PLA2G4C: variants seen among roughly 807,000 people sequenced by gnomAD.
PLA2G4C encodes the protein phospholipase A2 group IVC.
A neutral mutation model predicts 73.8 loss-of-function variants in PLA2G4C; 64 were observed. That is an observed-to-expected ratio of 0.87 (90% confidence interval 0.71 to 1.07). The LOEUF is 1.07. PLA2G4C is among the 50% of genes least tolerant of loss of function. The pLI, the probability that PLA2G4C is intolerant of heterozygous loss-of-function variation, is 0.00. For missense variants in PLA2G4C, 622 were observed against 665.4 expected, an observed-to-expected ratio of 0.93 and a Z score of 0.72; for synonymous variants, 254 against 252.1, an observed-to-expected ratio of 1.01 and a Z score of -0.07.
chr19:48,093,720 T>C (rs1050292791), intron 7 of PLA2G4C, among the ~76,000 whole-genome samples: 1 of 152,074 alleles, frequency 6.6e-6, no homozygotes, highest in Non-Finnish European at 1.5e-5. Flanking sequence ...TAGGGTCTGA[T>C]ATGGTTAAGC....
At chr19:48,106,781 T>C in intron 1 of PLA2G4C, 1 of 561,012 alleles carries the variant, frequency 1.8e-6, no homozygotes, top group Non-Finnish European at 3.2e-6. Context: ...CGCGTCTCTC[T>C]GAAAATTTGG....
At chr19:48,095,378 T>C in intron 7 of PLA2G4C, 86 bp downstream of exon 7, 1 of 1,281,198 alleles carries the variant, frequency 7.8e-7, no homozygotes, top group Non-Finnish European at 1.1e-6. Context: ...ATTTAAGAGC[T>C]GGGCAAACTA....
chr19:48,074,055 C>T lies in PLA2G4C; in HGVS notation c.1006+712G>A, dbSNP rs185573653. The stretch of plus-strand genomic sequence containing the variant: ...TTACACAGGTAAACATGTGCCATGG[C>T]GGTTTGCTGCACCTATCAACCCATC... On this transcript the variant is annotated intron_variant, in intron 12 of 16. Coordinates refer to ENST00000599921, the MANE Select transcript of PLA2G4C (RefSeq NM_003706.3). Among the ~76,000 whole-genome samples the T allele has an allele frequency of 1.4e-3, 208 of 152,084 alleles. 1 individual carries two copies. Among genetic ancestry groups the T allele is most frequent in the African/African-American group, 4.9e-3 (203 of 41,444 alleles).
chr19:48,110,463 G>T, intron 1 of PLA2G4C, 24 bp downstream of exon 1: 1 of 1,405,006 alleles, frequency 7.1e-7, no homozygotes. Flanking sequence ...GGATGAAACA[G>T]CCCTCCCTGC....
At chr19:48,084,324 T>C (rs906691434) in intron 10 of PLA2G4C, among the ~76,000 whole-genome samples, 2 of 152,168 alleles carry the variant, frequency 1.3e-5, no homozygotes, top group Non-Finnish European at 2.9e-5. Flanking sequence ...CCTCCCAAAG[T>C]GCTGGGATTA....
rs557617265 is a variant in PLA2G4C at position 48,054,957 on chromosome 19, G to A, written c.1350C>T (p.Pro450=). ...CTCCTTTCAGGATGTAGCAGCTGGCGGGGGCCTTGGACCACAAATCCAGCT... is the reference window on the plus strand; with the variant it reads ...CTCCTTTCAGGATGTAGCAGCTGGCAGGGGCCTTGGACCACAAATCCAGCT... The part of the protein sequence containing the change: ...EAELDLWSKA[P]ASCYILKGET... Residue 450 remains proline, a synonymous_variant, in exon 15 of 17, where the codon CCC becomes CCT. Transcript: ENST00000599921. 1.9e-5 allele frequency: 31 copies of A among 1,613,700 alleles called. 1 individual carries two copies. The African/African-American group carries it at 2.0e-4, about 10-fold the overall frequency.
At chr19:48,100,931 G>GA (rs1489420132) in intron 4 of PLA2G4C, among the ~76,000 whole-genome samples, 1 of 138,742 alleles carries the variant, frequency 7.2e-6, no homozygotes, top group Non-Finnish European at 1.5e-5. Context: ...AAAAAAAAAA[G>GA]AAAAAAAAGA....
At chr19:48,109,821 T>C (rs1282446197) in intron 1 of PLA2G4C, among the ~76,000 whole-genome samples, 2 of 151,836 alleles carry the variant, frequency 1.3e-5, no homozygotes, top group East Asian at 2.0e-4. Flanking sequence ...AGCTAATTTT[T>C]TGTATTTTTA....
At chr19:48,065,956 G>T (rs1968401844) in intron 13 of PLA2G4C, among the ~76,000 whole-genome samples, 2 of 152,102 alleles carry the variant, frequency 1.3e-5, no homozygotes, top group East Asian at 3.9e-4. Context: ...AGCCAGGCGT[G>T]GTGGCGCATG....
At chr19:48,110,465 C>G (rs1340661309) in intron 1 of PLA2G4C, 22 bp downstream of exon 1, 1 of 1,534,562 alleles carries the variant, frequency 6.5e-7, no homozygotes, top group East Asian at 2.5e-5. Context: ...ATGAAACAGC[C>G]CTCCCTGCCC....
chr19:48,081,462 A>C (rs1422477505), intron 10 of PLA2G4C, among the ~76,000 whole-genome samples: 1 of 152,090 alleles, frequency 6.6e-6, no homozygotes, highest in Non-Finnish European at 1.5e-5. Context: ...TGGGGATAAA[A>C]AACTACACAT....
intron 16 of PLA2G4C, among the ~76,000 whole-genome samples, chr19:48,050,217 G>A (rs1967672683): frequency 6.6e-6 from 1 of 152,068 alleles, no homozygotes; most frequent in South Asian, 2.1e-4. Context: ...ACCATGCCCG[G>A]CCTCTGTGGT....
At chr19:48,109,687 T>C (rs1215829346) in intron 1 of PLA2G4C, among the ~76,000 whole-genome samples, 1 of 152,124 alleles carries the variant, frequency 6.6e-6, no homozygotes, top group Non-Finnish European at 1.5e-5. Context: ...TCTCGCTTTG[T>C]GCCCTAGGCT....
At chr19:48,081,752 T>C (rs1272029851) in intron 10 of PLA2G4C, among the ~76,000 whole-genome samples, 1 of 133,512 alleles carries the variant, frequency 7.5e-6, no homozygotes, top group Non-Finnish European at 1.6e-5. Context: ...AGAGTGAAAT[T>C]CCGTCTCAAA....
intron 11 of PLA2G4C, among the ~76,000 whole-genome samples, chr19:48,076,998 C>T (rs188426862): frequency 2.6e-5 from 4 of 152,296 alleles, no homozygotes; most frequent in Admixed American, 2.6e-4. Flanking sequence ...TCATCTGATA[C>T]TTTGTTCTTG....
intron 14 of PLA2G4C, among the ~76,000 whole-genome samples, chr19:48,056,022 C>A (rs186481744): frequency 6.6e-6 from 1 of 152,208 alleles, no homozygotes; most frequent in African/African-American, 2.4e-5. Flanking sequence ...AAAGGTGACA[C>A]CATGGGGAAA....
chr19:48,074,000 C>T (rs1038732042), intron 12 of PLA2G4C, among the ~76,000 whole-genome samples: 16 of 151,690 alleles, frequency 1.1e-4, no homozygotes, highest in African/African-American at 2.7e-4. Flanking sequence ...TTTTAAGTTC[C>T]GGGACACATG....
chr19:48,081,726 T>C (rs1193222123), intron 10 of PLA2G4C, among the ~76,000 whole-genome samples: 1 of 150,060 alleles, frequency 6.7e-6, no homozygotes, highest in Non-Finnish European at 1.5e-5. Flanking sequence ...TCCATTGCAC[T>C]CCAGCCTGGG....
chr19:48,053,184 T>G (rs781209331), intron 15 of PLA2G4C, 37 bp from the exon 16 acceptor site: 6 of 1,499,652 alleles, frequency 4.0e-6, no homozygotes, highest in Middle Eastern at 1.8e-4. Context: ...AAAGGCATCA[T>G]GAGTTTGGAC....
Sources: gnomAD v4.1 joint callset for allele counts (sites outside exome capture counted in the v4.1 genomes callset) on GRCh38, gnomAD v4.1.1 for gene constraint, MANE v1.5 for transcripts, NCBI Gene and HGNC (gene_info 2026-07-23, HGNC 2026-07-21) for gene names.